GATAD2A: variants seen among roughly 807,000 people sequenced by gnomAD.
GATAD2A encodes the protein transcriptional repressor p66-alpha.
GATAD2A carries 12 observed loss-of-function variants against 68.5 expected under a neutral mutation model. That is an observed-to-expected ratio of 0.18 (90% CI 0.11 to 0.28). The LOEUF is 0.28. Ranked by LOEUF, GATAD2A falls within the 10% of genes least tolerant of loss-of-function variation. GATAD2A has a pLI of 1.00. For synonymous variants in GATAD2A, 410 were observed against 375.3 expected (o/e 1.09, Z -1.07); for missense variants, 755 against 868.5 (o/e 0.87, Z 1.64).
chr19:19,428,478 G>T (rs2147377727), intron 1 of GATAD2A, among the ~76,000 whole-genome samples: 1 of 152,328 alleles, frequency 6.6e-6, no homozygotes, highest in African/African-American at 2.4e-5. Context: ...AGGATGGTCT[G>T]GAGGCCTGAG....
At chr19:19,504,717 A>G (rs1251354881) in intron 11 of GATAD2A, among the ~76,000 whole-genome samples, 1 of 146,026 alleles carries the variant, frequency 6.8e-6, no homozygotes, top group African/African-American at 2.6e-5. Flanking sequence ...GCGCGATCAT[A>G]GCTCTCTTGC....
At chr19:19,450,581 T>TA (rs2056262187) in intron 1 of GATAD2A, among the ~76,000 whole-genome samples, 3 of 151,796 alleles carry the variant, frequency 2.0e-5, no homozygotes, top group Admixed American at 2.0e-4. Flanking sequence ...CAGGACCTGT[T>TA]AAAGGTTTCA....
intron 1 of GATAD2A, among the ~76,000 whole-genome samples, chr19:19,392,341 C>T (rs2048902610): frequency 1.3e-5 from 2 of 150,898 alleles, no homozygotes; most frequent in South Asian, 2.1e-4. Context: ...ACTTTGGCCT[C>T]CCAAAGTGTT....
chr19:19,399,299 T>C (rs2049521918), intron 1 of GATAD2A, among the ~76,000 whole-genome samples: 1 of 152,056 alleles, frequency 6.6e-6, no homozygotes, highest in Non-Finnish European at 1.5e-5. Context: ...TGGAGCGCAG[T>C]GGCAGTAGTG....
Position 19,411,225 on chromosome 19 carries a change from C to A in GATAD2A, c.-7+5206C>A, listed in dbSNP as rs564179787. On this transcript the variant is annotated intron_variant, in intron 1 of 11. Transcript: ENST00000683918. ...TTGCTCATTATTCGGCGGCTGGGAC[C>A]CAACCCAGCCTTTCTGATTTCAGAC... Among the ~76,000 whole-genome samples, 13 of 152,342 alleles carry A rather than the reference C, an allele frequency of 8.5e-5. No individual in the cohort carries two copies. The East Asian group carries it at 2.5e-3, about 29-fold the overall frequency.
chr19:19,417,504 G>A (rs2051801310), intron 1 of GATAD2A, among the ~76,000 whole-genome samples: 1 of 152,148 alleles, frequency 6.6e-6, no homozygotes, highest in Admixed American at 6.5e-5. Context: ...CTGCACTAGA[G>A]GAGTGTTGGG....
intron 1 of GATAD2A, among the ~76,000 whole-genome samples, chr19:19,448,026 T>A (rs1306956051): frequency 6.6e-6 from 1 of 152,148 alleles, no homozygotes; most frequent in Admixed American, 6.5e-5. Flanking sequence ...TCCCATTTTG[T>A]GATGTGACGC....
intron 1 of GATAD2A, among the ~76,000 whole-genome samples, chr19:19,394,728 G>A (rs571664022): frequency 6.6e-6 from 1 of 152,232 alleles, no homozygotes; most frequent in African/African-American, 2.4e-5. Flanking sequence ...ACAGGCGTGA[G>A]CCACCACTCC....
Position 19,501,164 on chromosome 19 carries a change from G to T in GATAD2A, c.1251G>T (p.Met417Ile). ...AATVLSREPY[M>I]CAQCKTDFTC... ...CTGTGCTGTCCCGGGAGCCCTACAT[G>T]TGTGCACAGTGCAAGACGGACTTCA... Residue 417 changes from methionine to isoleucine, a missense_variant, in exon 9 of 12, where the codon ATG becomes ATT. By Grantham distance (10) the Met-to-Ile change is conservative. Transcript: ENST00000683918. The T allele has an allele frequency of 6.2e-7, 1 of 1,613,518 alleles. No individual in the cohort carries two copies. The highest frequency in any genetic ancestry group is 1.7e-5 in the Admixed American group (1 of 60,036).
In GATAD2A at chr19:19,506,030, C is replaced by G. The variant is rs987003732; in HGVS notation, c.*556C>G. The G allele has an allele frequency of 1.5e-5, 6 of 398,740 alleles. No individual in the cohort carries two copies. The highest frequency in any genetic ancestry group is 1.2e-3 in the Middle Eastern group (2 of 1,610). The allele number at this position is 398,740 out of a possible 1,614,324, so 24.7% of individuals were successfully genotyped here. ...GGAGTTAAAAGTAAACCGTGCAGACCCTGGGGTCCCTGTTGTACGCTGCAT... is the reference window on the plus strand; with the variant it reads ...GGAGTTAAAAGTAAACCGTGCAGACGCTGGGGTCCCTGTTGTACGCTGCAT... On this transcript the variant is annotated 3_prime_UTR_variant, in exon 12 of 12. Transcript: ENST00000683918.
intron 1 of GATAD2A, among the ~76,000 whole-genome samples, chr19:19,397,563 C>T (rs185749526): frequency 7.2e-5 from 11 of 152,256 alleles, no homozygotes; most frequent in African/African-American, 2.4e-4. Flanking sequence ...AATCAGGAAG[C>T]AATGATGGCC....
intron 6 of GATAD2A, 70 bp from the exon 7 acceptor site, chr19:19,495,975 GGTGCCCT>G: frequency 6.3e-7 from 1 of 1,579,688 alleles, no homozygotes; most frequent in Non-Finnish European, 8.7e-7. Context: ...TTGGGGGCAA[GGTGCCCT>G]GTGCCTTCCG....
intron 1 of GATAD2A, among the ~76,000 whole-genome samples, chr19:19,416,086 A>G (rs1328489272): frequency 6.6e-6 from 1 of 152,148 alleles, no homozygotes; most frequent in Non-Finnish European, 1.5e-5. Context: ...AGTCTCCTAA[A>G]GCACTGGGAT....
intron 1 of GATAD2A, among the ~76,000 whole-genome samples, chr19:19,412,936 C>T (rs908548868): frequency 6.6e-6 from 1 of 152,150 alleles, no homozygotes; most frequent in Non-Finnish European, 1.5e-5. Context: ...CATTGTAAGT[C>T]GAGGAGCTCC....
In GATAD2A at chr19:19,495,615, C is replaced by CT; in HGVS notation, c.625-136dup. ...TGCCACTGTGCCCATCCATAATTTT[C>CT]TTTAACTTCTCTGCTACTTAAAAAA... is the stretch of plus-strand genomic sequence containing the variant. On this transcript the variant is annotated intron_variant, in intron 5 of 11. Coordinates refer to ENST00000683918, the MANE Select transcript of GATAD2A (RefSeq NM_001384528.1). The CT allele has an allele frequency of 4.9e-6, 4 of 813,882 alleles. No individual in the cohort carries two copies. The South Asian group carries it at 6.2e-5, about 13-fold the overall frequency. 50.4% of individuals were successfully genotyped at this position (813,882 alleles called of 1,614,324 possible).
At chr19:19,415,618 ATTT>A (rs71170682) in intron 1 of GATAD2A, among the ~76,000 whole-genome samples, 2 of 117,998 alleles carry the variant, frequency 1.7e-5, no homozygotes, top group Non-Finnish European at 1.7e-5. Flanking sequence ...CCGGGCTAAT[ATTT>A]TTTTTTTTTT....
intron 2 of GATAD2A, among the ~76,000 whole-genome samples, chr19:19,469,807 C>T (rs1377940090): frequency 4.6e-5 from 7 of 152,072 alleles, no homozygotes; most frequent in Admixed American, 4.6e-4. Flanking sequence ...ATTAGCCAGG[C>T]GTGGTGGCAC....
At chr19:19,412,068 ATCTCTC>A (rs67449967) in intron 1 of GATAD2A, among the ~76,000 whole-genome samples, 5,149 of 138,508 alleles carry the variant, frequency 0.037, 309 homozygotes, top group African/African-American at 0.13. Context: ...GCAATCCCCC[ATCTCTC>A]TCTCTCTCTC....
At chr19:19,500,935 G>A (rs950332880) in intron 8 of GATAD2A, among the ~76,000 whole-genome samples, 183 bp from the exon 9 acceptor site, 9 of 152,206 alleles carry the variant, frequency 5.9e-5, no homozygotes, top group East Asian at 1.9e-4. Context: ...ACAGGAGGCC[G>A]ACGTTTTCTG....
Sources: allele counts gnomAD v4.1 joint callset (sites outside exome capture counted in the v4.1 genomes callset), GRCh38; gene constraint gnomAD v4.1.1; transcripts MANE v1.5; gene names NCBI Gene and HGNC (gene_info 2026-07-23, HGNC 2026-07-21).